DAB1: variants seen among roughly 807,000 people sequenced by gnomAD.
DAB1 encodes the protein DAB adaptor protein 1, also known as disabled homolog 1.
DAB1 carries 15 observed loss-of-function variants against 64.6 expected under a neutral mutation model. The observed-to-expected ratio is 0.23, with a 90% CI of 0.16 to 0.36. The LOEUF (loss-of-function observed/expected upper bound fraction) is 0.36, where lower values mean the gene tolerates loss of function less well. Ranked by LOEUF, DAB1 falls within the 10% of genes least tolerant of loss-of-function variation. The pLI, the probability that DAB1 is intolerant of heterozygous loss-of-function variation, is 1.00. For synonymous variants in DAB1, 235 were observed against 251.9 expected (o/e 0.93, Z 0.64); for missense variants, 596 against 706.7 (o/e 0.84, Z 1.78).
chr1:58,196,907 T>C (rs528931366), intron 4 of DAB1, among the ~76,000 whole-genome samples: 47 of 152,326 alleles, frequency 3.1e-4, no homozygotes, highest in Admixed American at 2.9e-3. Context: ...ACATTCCTTT[T>C]CCTCCTGTGC....
chr1:58,101,470 G>A (rs1651318158), intron 5 of DAB1, among the ~76,000 whole-genome samples: 1 of 152,138 alleles, frequency 6.6e-6, no homozygotes, highest in Non-Finnish European at 1.5e-5. Flanking sequence ...CAACCTAGGG[G>A]TACCTGGGGG....
intron 1 of DAB1, among the ~76,000 whole-genome samples, chr1:57,360,338 A>T (rs1329818010): frequency 6.6e-6 from 1 of 152,160 alleles, no homozygotes; most frequent in East Asian, 1.9e-4. Flanking sequence ...CAAACTGCCC[A>T]TCAGACTACT....
In DAB1 at chr1:57,097,962, A is replaced by G. The variant is rs191738674; in HGVS notation, c.307-25548T>C. 1.1e-3 allele frequency among the ~76,000 whole-genome samples: 169 copies of G among 152,178 alleles called. 2 individuals are homozygous for G. The highest frequency in any genetic ancestry group is 3.8e-3 in the African/African-American group (159 of 41,536). On this transcript the variant is annotated intron_variant, in intron 4 of 14. Coordinates refer to ENST00000371236, the MANE Select transcript of DAB1 (RefSeq NM_001365792.1). ...TTGGCTAATTTTTTGTATTTTTAAT[A>G]GGGACGGGGTTTCACCGTGTTAGCC...
chr1:58,517,100 T>C (rs891778028), intron 2 of DAB1, among the ~76,000 whole-genome samples: 2 of 152,200 alleles, frequency 1.3e-5, no homozygotes, highest in South Asian at 2.1e-4. Context: ...AACTCTTTGA[T>C]GGAAGTACTA....
intron 5 of DAB1, among the ~76,000 whole-genome samples, chr1:57,986,386 C>G (rs1310657203): frequency 6.6e-6 from 1 of 152,092 alleles, no homozygotes; most frequent in African/African-American, 2.4e-5. Flanking sequence ...CTTGAAGATA[C>G]AGCAAAAATG....
At chr1:58,328,998 A>T (rs1365497893) in intron 4 of DAB1, among the ~76,000 whole-genome samples, 3 of 152,208 alleles carry the variant, frequency 2.0e-5, no homozygotes, top group African/African-American at 7.2e-5. Flanking sequence ...TTGTCATTGA[A>T]TTTAATAAGT....
At chr1:57,314,909 A>G (rs954068182) in intron 1 of DAB1, among the ~76,000 whole-genome samples, 5 of 152,186 alleles carry the variant, frequency 3.3e-5, no homozygotes, top group Non-Finnish European at 5.9e-5. Context: ...CAAAACAATA[A>G]TATAATAGTC....
At chr1:58,043,242 C>T (rs1647166722) in intron 5 of DAB1, among the ~76,000 whole-genome samples, 1 of 152,148 alleles carries the variant, frequency 6.6e-6, no homozygotes, top group African/African-American at 2.4e-5. Flanking sequence ...CATCTATGTA[C>T]TAATTTCTTT....
At chr1:57,018,041 G>T (rs542783129) in intron 11 of DAB1, among the ~76,000 whole-genome samples, 1 of 152,110 alleles carries the variant, frequency 6.6e-6, no homozygotes, top group Non-Finnish European at 1.5e-5. Flanking sequence ...AGACCAATGC[G>T]TACGACAAAG....
intron 1 of DAB1, among the ~76,000 whole-genome samples, chr1:57,857,575 T>C (rs1348965328): frequency 6.6e-6 from 1 of 152,188 alleles, no homozygotes; most frequent in African/African-American, 2.4e-5. Flanking sequence ...ATTTTATAGA[T>C]GATGAATCTG....
At chr1:57,372,060 C>A (rs142396257) in intron 1 of DAB1, among the ~76,000 whole-genome samples, 1 of 152,130 alleles carries the variant, frequency 6.6e-6, no homozygotes, top group Non-Finnish European at 1.5e-5. Context: ...GAAAATTTAG[C>A]AGAGAGGCCT....
chr1:58,402,503 CAA>C (rs756328195), intron 3 of DAB1, among the ~76,000 whole-genome samples: 3 of 152,078 alleles, frequency 2.0e-5, no homozygotes, highest in Non-Finnish European at 4.4e-5. Context: ...GAAAAAGAAA[CAA>C]GAGATGGAGG....
intron 5 of DAB1, among the ~76,000 whole-genome samples, chr1:57,889,770 G>A (rs1281413538): frequency 6.6e-6 from 1 of 151,994 alleles, no homozygotes; most frequent in African/African-American, 2.4e-5. Flanking sequence ...AGTCCCCTGG[G>A]GAACTTTATA....
At position 58,143,173 on chromosome 1, in the gene DAB1, C is replaced by T. The variant is rs549125989; in HGVS notation, n.387+7338G>A. On this transcript the variant is annotated intron_variant and non_coding_transcript_variant, in intron 5 of 20. Coordinates refer to the DAB1 transcript ENST00000485760. ...AGGGAACTATTCGTCTGAGAAAGTA[C>T]CCCTCACCAAATGTACACACACAGT... Among the ~76,000 whole-genome samples the T allele has an allele frequency of 1.5e-4, 23 of 152,162 alleles. No homozygotes were observed. In the South Asian group the frequency reaches 4.4e-3, roughly 29 times the overall value.
At chr1:57,529,273 AG>A (rs1476499811) in intron 7 of DAB1, among the ~76,000 whole-genome samples, 2 of 152,120 alleles carry the variant, frequency 1.3e-5, no homozygotes, top group African/African-American at 4.8e-5. Flanking sequence ...ATACTGAAAG[AG>A]TACCTGAGTA....
At chr1:58,505,022 G>A (rs542845417) in intron 3 of DAB1, among the ~76,000 whole-genome samples, 13 of 151,836 alleles carry the variant, frequency 8.6e-5, no homozygotes, top group East Asian at 3.9e-4. Flanking sequence ...GCACGATCTC[G>A]GCTCACTACA....
chr1:57,398,011 T>C (rs896618537), intron 1 of DAB1, among the ~76,000 whole-genome samples: 2 of 152,250 alleles, frequency 1.3e-5, no homozygotes, highest in Non-Finnish European at 2.9e-5. Context: ...GGTAAGTATA[T>C]GTTGTTCACT....
intron 7 of DAB1, among the ~76,000 whole-genome samples, chr1:57,561,676 C>A (rs2691458): frequency 0.88 from 133,437 of 152,122 alleles, 60,145 homozygotes; most frequent in East Asian, 1. Context: ...GTCTTCACAC[C>A]AAGGGACAAT....
intron 2 of DAB1, among the ~76,000 whole-genome samples, chr1:57,153,619 TG>T (rs894294401): frequency 2.8e-4 from 29 of 102,696 alleles, no homozygotes; most frequent in African/African-American, 1.4e-3. Context: ...GGTATATGTA[TG>T]GGGTTTTTTT....
Sources: gnomAD v4.1 joint callset for allele counts (sites outside exome capture counted in the v4.1 genomes callset) on GRCh38, gnomAD v4.1.1 for gene constraint, MANE v1.5 for transcripts, NCBI Gene and HGNC (gene_info 2026-07-23, HGNC 2026-07-21) for gene names.